TTC7B: variants seen among roughly 807,000 people sequenced by gnomAD.
The protein encoded by TTC7B is tetratricopeptide repeat protein 7B.
A neutral mutation model predicts 106.8 loss-of-function variants in TTC7B; 28 were observed. The ratio of observed to expected loss-of-function variants is 0.26; its 90% CI spans 0.19 to 0.36. The LOEUF (loss-of-function observed/expected upper bound fraction) is 0.36. Among genes scored for constraint, TTC7B ranks in the 10% least tolerant of loss-of-function variants. TTC7B has a pLI of 1.00. For synonymous variants in TTC7B, 405 were observed against 430.6 expected (o/e 0.94, Z 0.74); for missense variants, 862 against 1,076.4 (o/e 0.80, Z 2.79).
rs1247975885 is a variant in TTC7B at position 90,573,488 on chromosome 14, C to T, written c.2310+4618G>A. Among the ~76,000 whole-genome samples the T allele has an allele frequency of 1.5e-5, 2 of 130,794 alleles. 1 individual carries two copies. Among genetic ancestry groups the T allele is most frequent in the Non-Finnish European group, 3.3e-5 (2 of 61,040 alleles). 85.8% of individuals were successfully genotyped at this position (130,794 alleles called of 152,430 possible). On this transcript the variant is annotated intron_variant, in intron 19 of 19. Transcript: ENST00000328459. ...CGGCTCACAGGCCCTCTCCGCCTCA[C>T]GGTCCCTCTCAGCTCACGGTCCCTC...
chr14:90,628,159 G>A (rs1426451981), intron 15 of TTC7B, among the ~76,000 whole-genome samples: 2 of 152,228 alleles, frequency 1.3e-5, no homozygotes, highest in Admixed American at 6.5e-5. Flanking sequence ...AGTGCCTCTG[G>A]AACAGGAAGT....
intron 3 of TTC7B, among the ~76,000 whole-genome samples, chr14:90,753,702 TG>T (rs1422456602): frequency 1.3e-5 from 2 of 152,224 alleles, no homozygotes; most frequent in Non-Finnish European, 2.9e-5. Flanking sequence ...GTCTCTTGGC[TG>T]GGAGCCACAG....
chr14:90,740,374 G>A (rs1405872924), intron 4 of TTC7B, among the ~76,000 whole-genome samples: 1 of 151,934 alleles, frequency 6.6e-6, no homozygotes, highest in Non-Finnish European at 1.5e-5. Flanking sequence ...GGAGTGAACA[G>A]AGAAGTCCAG....
chr14:90,720,115 G>A (rs893250591), intron 5 of TTC7B, among the ~76,000 whole-genome samples: 1 of 151,662 alleles, frequency 6.6e-6, no homozygotes, highest in East Asian at 1.9e-4. Context: ...GTGGCCCAGG[G>A]AAGCCAAAAG....
At position 90,742,760 on chromosome 14, in the gene TTC7B, C is replaced by T. The variant is rs938420272; in HGVS notation, c.576+2032G>A. On this transcript the variant is annotated intron_variant, in intron 4 of 19. Coordinates refer to ENST00000328459, the MANE Select transcript of TTC7B (RefSeq NM_001010854.2). The surrounding 1 kb of genome is among the most constrained non-coding windows in gnomAD (Gnocchi z 4.1). ...CGACTATACAAGCCTCCTTGATGTT[C>T]CTGCTGAAGAACCCAGCACTGAATG... Among the ~76,000 whole-genome samples, 1 of 152,188 alleles carries T rather than the reference C, an allele frequency of 6.6e-6. No homozygotes were observed. The highest frequency in any genetic ancestry group is 6.5e-5 in the Admixed American group (1 of 15,276).
In TTC7B at chr14:90,617,357, CA is replaced by C. The variant is rs1893127552; in HGVS notation, c.1868+571del. ...TTCCTGCCTATGAGTATCTGTTCTT[CA>C]AACTCTTCTGTGAATAGGTCTTAAC... On this transcript the variant is annotated intron_variant, in intron 16 of 19. Transcript: ENST00000328459. Among the ~76,000 whole-genome samples, 4 of 152,322 alleles carry C rather than the reference CA, an allele frequency of 2.6e-5. No individual in the cohort carries two copies. The South Asian group carries it at 8.3e-4, about 32-fold the overall frequency.
chr14:90,549,377 C>T (rs1889977432), intron 19 of TTC7B, among the ~76,000 whole-genome samples: 1 of 152,194 alleles, frequency 6.6e-6, no homozygotes, highest in African/African-American at 2.4e-5. Flanking sequence ...AGTCATACAG[C>T]CTCCTCGTGG....
In TTC7B at chr14:90,766,135, G is replaced by GTTTTT. The variant is rs3085720; in HGVS notation, c.445+14598_445+14602dup. On this transcript the variant is annotated intron_variant, in intron 3 of 19. Transcript: ENST00000328459. Reference sequence around the variant, plus strand: ...CCTTGGCACAAAGACAGCCTACAACGTTTTTTTTTTTTTTTAATAAACAAA... The same window carrying GTTTTT: ...CCTTGGCACAAAGACAGCCTACAACGTTTTTTTTTTTTTTTTTTTTAATAAACAAA... 1.1e-3 allele frequency among the ~76,000 whole-genome samples: 154 copies of GTTTTT among 143,450 alleles called. 1 individual carries two copies. The highest frequency in any genetic ancestry group is 3.7e-3 in the African/African-American group (146 of 39,096). The allele number at this position is 143,450 out of a possible 152,430, so 94.1% of individuals were successfully genotyped here.
chr14:90,811,063 C>T (rs1185067670), intron 1 of TTC7B, among the ~76,000 whole-genome samples: 2 of 152,210 alleles, frequency 1.3e-5, no homozygotes, highest in Non-Finnish European at 2.9e-5. Flanking sequence ...CCACTGTGCA[C>T]AGCCACAAGA....
At chr14:90,739,328 T>C (rs1889668325) in intron 4 of TTC7B, among the ~76,000 whole-genome samples, 1 of 152,214 alleles carries the variant, frequency 6.6e-6, no homozygotes, top group South Asian at 2.1e-4. Flanking sequence ...CTTTTCTTTA[T>C]TGTCTCACAT....
At chr14:90,710,333 GA>G (rs768973618) in intron 5 of TTC7B, among the ~76,000 whole-genome samples, 1 of 152,196 alleles carries the variant, frequency 6.6e-6, no homozygotes, top group African/African-American at 2.4e-5. Context: ...AATGGATGAG[GA>G]ATTGCTCTTA....
At chr14:90,553,726 G>T (rs749570652) in intron 19 of TTC7B, among the ~76,000 whole-genome samples, 7 of 152,178 alleles carry the variant, frequency 4.6e-5, no homozygotes, top group Admixed American at 2.0e-4. Flanking sequence ...TGGAGGCATG[G>T]CGGATTCAGA....
chr14:90,774,223 C>T (rs997425614), intron 3 of TTC7B, among the ~76,000 whole-genome samples: 34 of 152,270 alleles, frequency 2.2e-4, no homozygotes, highest in African/African-American at 7.2e-4. Context: ...GTAGCCGCTC[C>T]GCTCACCTGG....
chr14:90,723,794 T>C (rs1888985165), intron 5 of TTC7B, among the ~76,000 whole-genome samples: 1 of 152,168 alleles, frequency 6.6e-6, no homozygotes, highest in Non-Finnish European at 1.5e-5. Flanking sequence ...ATATTATCTG[T>C]CTCCCTCACT....
chr14:90,762,900 T>C (rs1890546945), intron 3 of TTC7B, among the ~76,000 whole-genome samples: 1 of 152,200 alleles, frequency 6.6e-6, no homozygotes. Flanking sequence ...AGAGATTGAA[T>C]TAGCAATCAA....
rs111206785 is a variant in TTC7B, at chr14:90,695,173, T to C, written c.777+327A>G. Reference sequence around the variant, plus strand: ...AAAATAAATAAATATACATATAAAATATGTATATTTTATATACATTTTAGT... The same window carrying C: ...AAAATAAATAAATATACATATAAAACATGTATATTTTATATACATTTTAGT... On this transcript the variant is annotated intron_variant, in intron 6 of 19. Transcript: ENST00000328459. 4.2e-3 allele frequency among the ~76,000 whole-genome samples: 436 copies of C among 103,476 alleles called. 6 individuals are homozygous for C. The highest frequency in any genetic ancestry group is 0.014 in the African/African-American group (407 of 28,102). The allele number at this position is 103,476 out of a possible 152,430, so 67.9% of individuals were successfully genotyped here.
At chr14:90,646,033 G>A (rs1885433115) in intron 14 of TTC7B, among the ~76,000 whole-genome samples, 1 of 152,222 alleles carries the variant, frequency 6.6e-6, no homozygotes, top group Non-Finnish European at 1.5e-5. Flanking sequence ...CACACCTGCT[G>A]CAGAAGCCCA....
intron 17 of TTC7B, among the ~76,000 whole-genome samples, chr14:90,598,352 T>A (rs1047017677): frequency 3.7e-4 from 57 of 152,250 alleles, no homozygotes; most frequent in African/African-American, 1.4e-3. Flanking sequence ...CCCACCTAGA[T>A]CCTCAATCGA....
At chr14:90,567,958 G>A (rs1890867724) in intron 19 of TTC7B, among the ~76,000 whole-genome samples, 1 of 152,156 alleles carries the variant, frequency 6.6e-6, no homozygotes, top group Non-Finnish European at 1.5e-5. Context: ...CGGTCTGAAG[G>A]TCCAGATCAC....
Sources: gnomAD v4.1 joint callset for allele counts (sites outside exome capture counted in the v4.1 genomes callset) on GRCh38, gnomAD v4.1.1 for gene constraint, Gnocchi (gnomAD v3.1) non-coding constraint, MANE v1.5 for transcripts, NCBI Gene and HGNC (gene_info 2026-07-23, HGNC 2026-07-21) for gene names.